Variants in BCAS3 observed in about 807,000 individuals in gnomAD.
The protein encoded by BCAS3 is BCAS4/BCAS3 fusion.
Under a neutral mutation model 116.1 loss-of-function variants are expected in BCAS3, and 53 were observed. The observed-to-expected ratio is 0.46, with a 90% CI of 0.37 to 0.57. The LOEUF (loss-of-function observed/expected upper bound fraction) is 0.57, where lower values mean the gene tolerates loss of function less well. Among genes scored for constraint, BCAS3 ranks in the 20% least tolerant of loss-of-function variants. The pLI, the probability that BCAS3 is intolerant of heterozygous loss-of-function variation, is 0.00. For synonymous variants in BCAS3, 391 were observed against 408.2 expected (o/e 0.96, Z 0.51); for missense variants, 917 against 1,165.4 (o/e 0.79, Z 3.10).
rs1484197607 is a variant in BCAS3, at chr17:60,993,737, T to C, written c.1486+3502T>C. On this transcript the variant is annotated intron_variant, in intron 15 of 23. Transcript: ENST00000407086. This position sits in a 1 kb window ranked among gnomAD's most constrained non-coding sequence, Gnocchi z 4.2. ...AGGGATTCATCTTGAAAATGAATCA[T>C]GTTTTGGCGGTATTACCGTTGTTTG... 6.6e-6 allele frequency among the ~76,000 whole-genome samples: 1 copy of C among 152,182 alleles called. No homozygotes were observed. The highest frequency in any genetic ancestry group is 1.5e-5 in the Non-Finnish European group (1 of 68,008).
Position 61,034,543 on chromosome 17 carries a change from C to A in BCAS3, c.1638-123C>A, listed in dbSNP as rs2145597222. The A allele has an allele frequency of 6.0e-6, 5 of 835,592 alleles. No individual in the cohort carries two copies. The highest frequency in any genetic ancestry group is 2.0e-5 in the South Asian group (1 of 48,840). 51.8% of individuals were successfully genotyped at this position (835,592 alleles called of 1,614,324 possible). A position where few individuals can be genotyped will look rare whatever the true frequency, so the allele number is the denominator to read the frequency against. ...TCACATCACCATTTATTACTTAAGG[C>A]AAAATGCATGTTCATACTGGAGGAT... On this transcript the variant is annotated intron_variant, in intron 16 of 23. Coordinates refer to ENST00000407086, the MANE Select transcript of BCAS3 (RefSeq NM_017679.5). The surrounding 1 kb of genome is among the most constrained non-coding windows in gnomAD (Gnocchi z 5.0).
intron 22 of BCAS3, among the ~76,000 whole-genome samples, chr17:61,257,619 C>T (rs926842432): frequency 3.9e-5 from 6 of 152,066 alleles, no homozygotes; most frequent in Non-Finnish European, 7.4e-5. Flanking sequence ...CTTTGATGTG[C>T]TGCATCTTCA....
intron 6 of BCAS3, among the ~76,000 whole-genome samples, chr17:60,763,680 G>A (rs1168711159): frequency 2.0e-5 from 3 of 151,968 alleles, no homozygotes; most frequent in Admixed American, 6.6e-5. Flanking sequence ...GTCTCTGCCA[G>A]GCTTTGGTAT....
chr17:61,019,602 T>C lies in BCAS3; in HGVS notation c.1637+3701T>C, dbSNP rs1413181032. On this transcript the variant is annotated intron_variant, in intron 16 of 23. Coordinates refer to ENST00000407086, the MANE Select transcript of BCAS3 (RefSeq NM_017679.5). The surrounding 1 kb of genome is among the most constrained non-coding windows in gnomAD (Gnocchi z 5.6). ...ATTCTGTGAATTTTCATTTTTGCTATATTCTGAGTTTTGAAACAAATCTCA... is the reference window on the plus strand; with the variant it reads ...ATTCTGTGAATTTTCATTTTTGCTACATTCTGAGTTTTGAAACAAATCTCA... 6.6e-6 allele frequency among the ~76,000 whole-genome samples: 1 copy of C among 152,210 alleles called. No homozygotes were observed. Among genetic ancestry groups the C allele is most frequent in the Non-Finnish European group, 1.5e-5 (1 of 68,030 alleles).
At chr17:60,740,987 T>C (rs1397468107) in intron 5 of BCAS3, among the ~76,000 whole-genome samples, 1 of 152,182 alleles carries the variant, frequency 6.6e-6, no homozygotes, top group East Asian at 1.9e-4. Flanking sequence ...TGGGTTCCCC[T>C]GGAATTTTTA....
rs1343124884 is a variant in BCAS3 at position 61,124,818 on chromosome 17, A to T, written c.2425+40254A>T. ...TACAGATGATTTTCTGTGTTAGAAGATGCTATCGGCTCACCTGGCCTCTTA... is the reference window on the plus strand; with the variant it reads ...TACAGATGATTTTCTGTGTTAGAAGTTGCTATCGGCTCACCTGGCCTCTTA... On this transcript the variant is annotated intron_variant, in intron 22 of 23. Transcript: ENST00000407086. This position sits in a 1 kb window ranked among gnomAD's most constrained non-coding sequence, Gnocchi z 4.6. 6.6e-6 allele frequency among the ~76,000 whole-genome samples: 1 copy of T among 152,170 alleles called. No homozygotes were observed. Among genetic ancestry groups the T allele is most frequent in the Non-Finnish European group, 1.5e-5 (1 of 68,030 alleles).
intron 7 of BCAS3, among the ~76,000 whole-genome samples, chr17:60,809,063 C>A (rs1473294869): frequency 6.6e-6 from 1 of 152,070 alleles, no homozygotes; most frequent in African/African-American, 2.4e-5. Flanking sequence ...GCAGGCAGAT[C>A]ACTTGAGGTC....
chr17:61,247,222 C>T (rs1041959568), intron 22 of BCAS3, among the ~76,000 whole-genome samples: 5 of 152,064 alleles, frequency 3.3e-5, no homozygotes, highest in African/African-American at 1.2e-4. Flanking sequence ...TTTTTAAAAA[C>T]CTGAACCATT....
chr17:61,210,380 C>T, intron 22 of BCAS3, among the ~76,000 whole-genome samples: 1 of 152,122 alleles, frequency 6.6e-6, no homozygotes, highest in East Asian at 1.9e-4. Context: ...ACTCTGAAGG[C>T]AGGCTTCCTT....
chr17:60,971,313 G>A (rs189260640), intron 14 of BCAS3, among the ~76,000 whole-genome samples: 13 of 152,224 alleles, frequency 8.5e-5, no homozygotes, highest in East Asian at 1.9e-4. Context: ...AGGAGGCGGC[G>A]AACTTTTTCT....
intron 4 of BCAS3, among the ~76,000 whole-genome samples, chr17:60,706,590 C>A (rs773727756): frequency 6.6e-6 from 1 of 151,772 alleles, no homozygotes; most frequent in African/African-American, 2.4e-5. Flanking sequence ...TTTGGAAGGC[C>A]GAGGCGGATG....
At chr17:60,683,543 T>G (rs1833722847) in intron 2 of BCAS3, among the ~76,000 whole-genome samples, 2 of 127,712 alleles carry the variant, frequency 1.6e-5, no homozygotes, top group Non-Finnish European at 3.2e-5. Flanking sequence ...TTTTTTTTTT[T>G]TGCCTTTTTT....
intron 22 of BCAS3, among the ~76,000 whole-genome samples, chr17:61,310,404 A>G (rs1246872516): frequency 6.6e-6 from 1 of 152,044 alleles, no homozygotes; most frequent in African/African-American, 2.4e-5. Context: ...AAATACAAAA[A>G]TTAGCCAGGT....
At chr17:61,078,205 C>A in intron 20 of BCAS3, 128 bp from the exon 21 acceptor site, 1 of 674,676 alleles carries the variant, frequency 1.5e-6, no homozygotes, top group East Asian at 2.7e-5. Flanking sequence ...TATGGGTGTC[C>A]TATCCCTTTG....
chr17:61,340,788 G>C (rs2057092467), intron 22 of BCAS3, among the ~76,000 whole-genome samples: 1 of 152,218 alleles, frequency 6.6e-6, no homozygotes, highest in South Asian at 2.1e-4. Context: ...GGGGGATAGT[G>C]AAAAGCAGGC....
chr17:61,199,278 AT>A lies in BCAS3; in HGVS notation c.2425+114715del, dbSNP rs754724449. 9.9e-5 allele frequency among the ~76,000 whole-genome samples: 15 copies of A among 152,186 alleles called. No individual in the cohort carries two copies. The highest frequency in any genetic ancestry group is 1.8e-4 in the Non-Finnish European group (12 of 68,038). ...TTATCTGTTCTGTTGTGTAGAATGT[AT>A]ATGCTGCCAGCCAGCCTTACTCTTT... is the stretch of plus-strand genomic sequence containing the variant. On this transcript the variant is annotated intron_variant, in intron 22 of 23. Coordinates refer to ENST00000407086, the MANE Select transcript of BCAS3 (RefSeq NM_017679.5). This position sits in a 1 kb window ranked among gnomAD's most constrained non-coding sequence, Gnocchi z 4.6.
At chr17:61,266,493 C>CT (rs1357166637) in intron 22 of BCAS3, among the ~76,000 whole-genome samples, 3 of 152,104 alleles carry the variant, frequency 2.0e-5, no homozygotes, top group African/African-American at 7.2e-5. Flanking sequence ...TGAGAAGCAC[C>CT]TTGGGCCTGA....
rs1431625313 is a variant in BCAS3, at chr17:61,313,569, T to C, written c.2426-54758T>C. ...ACGGGGATTTGTGTGGGCCAGACAA[T>C]GTAGGGGATTTATTTCCAAGGCTGG... On this transcript the variant is annotated intron_variant, in intron 22 of 23. Coordinates refer to ENST00000407086, the MANE Select transcript of BCAS3 (RefSeq NM_017679.5). This position sits in a 1 kb window ranked among gnomAD's most constrained non-coding sequence, Gnocchi z 4.3. Among the ~76,000 whole-genome samples, 3 of 152,076 alleles carry C rather than the reference T, an allele frequency of 2.0e-5. No homozygotes were observed. The highest frequency in any genetic ancestry group is 4.4e-5 in the Non-Finnish European group (3 of 68,012).
intron 7 of BCAS3, among the ~76,000 whole-genome samples, chr17:60,811,866 G>A (rs1046140322): frequency 6.6e-6 from 1 of 152,000 alleles, no homozygotes; most frequent in African/African-American, 2.4e-5. Context: ...TGGGCAACAT[G>A]GTGAAACCCT....
Sources: gnomAD v4.1 joint callset for allele counts (sites outside exome capture counted in the v4.1 genomes callset) on GRCh38, gnomAD v4.1.1 for gene constraint, Gnocchi (gnomAD v3.1) non-coding constraint, MANE v1.5 for transcripts, NCBI Gene and HGNC (gene_info 2026-07-23, HGNC 2026-07-21) for gene names.